CEP112: variants seen among roughly 807,000 people sequenced by gnomAD.
CEP112 encodes the protein centrosomal protein of 112 kDa.
CEP112 carries 127 observed loss-of-function variants against 153.0 expected under a neutral mutation model. That is an observed-to-expected ratio of 0.83 (90% CI 0.72 to 0.96). CEP112 has a LOEUF of 0.96. CEP112 is among the 40% of genes least tolerant of loss of function. CEP112 has a pLI of 0.00. For synonymous variants in CEP112, 358 were observed against 374.4 expected (o/e 0.96, Z 0.51); for missense variants, 1,089 against 1,101.2 (o/e 0.99, Z 0.16).
intron 23 of CEP112, among the ~76,000 whole-genome samples, chr17:65,723,251 G>T (rs142988956): frequency 1.3e-5 from 2 of 152,074 alleles, no homozygotes; most frequent in East Asian, 3.9e-4. Flanking sequence ...GGCCAAACTC[G>T]GAGACTTTGT....
At chr17:66,026,611 C>A (rs909050505) in intron 16 of CEP112, among the ~76,000 whole-genome samples, 10 of 152,218 alleles carry the variant, frequency 6.6e-5, no homozygotes, top group Admixed American at 4.6e-4. Flanking sequence ...ATACAGTTGT[C>A]CCCCAGCATC....
chr17:65,684,425 T>C (rs751625236), intron 24 of CEP112, among the ~76,000 whole-genome samples: 2 of 152,248 alleles, frequency 1.3e-5, no homozygotes, highest in Non-Finnish European at 2.9e-5. Flanking sequence ...GGAATTTTGC[T>C]CTGTGTATGT....
intron 24 of CEP112, among the ~76,000 whole-genome samples, chr17:65,680,214 G>A (rs1477039794): frequency 6.6e-6 from 1 of 152,174 alleles, no homozygotes; most frequent in Non-Finnish European, 1.5e-5. Flanking sequence ...GAATAGCTGA[G>A]GGCCCAGAGA....
At chr17:65,903,032 A>AG (rs5821570) in intron 19 of CEP112, 152,198 of 152,386 alleles carry the variant, frequency 1, 76,005 homozygotes, top group Middle Eastern at 1. Context: ...CCCGAGACCA[A>AG]GGCCTGGTTG....
At chr17:66,099,368 G>A (rs2068469624) in intron 6 of CEP112, among the ~76,000 whole-genome samples, 1 of 152,012 alleles carries the variant, frequency 6.6e-6, no homozygotes. Context: ...GCTGGGCTTA[G>A]TGGCAGGTGA....
intron 12 of CEP112, among the ~76,000 whole-genome samples, chr17:66,051,048 C>T (rs1197228051): frequency 6.6e-6 from 1 of 152,078 alleles, no homozygotes; most frequent in Non-Finnish European, 1.5e-5. Context: ...AGCACAATCA[C>T]ACCTCACTGC....
intron 23 of CEP112, among the ~76,000 whole-genome samples, chr17:65,727,423 T>C (rs994949976): frequency 6.6e-6 from 1 of 152,214 alleles, no homozygotes; most frequent in Non-Finnish European, 1.5e-5. Context: ...TTCTTCACAC[T>C]GGACTGAAGC....
intron 20 of CEP112, among the ~76,000 whole-genome samples, chr17:65,865,801 G>A (rs1026718230): frequency 7.2e-5 from 11 of 152,192 alleles, no homozygotes; most frequent in Non-Finnish European, 8.8e-5. Context: ...CCTGGAGCCC[G>A]CCACTCTGGG....
intron 6 of CEP112, among the ~76,000 whole-genome samples, chr17:66,111,358 A>G (rs2069034141): frequency 6.6e-6 from 1 of 152,216 alleles, no homozygotes; most frequent in Non-Finnish European, 1.5e-5. Flanking sequence ...ATTACTGCAT[A>G]TATACCCAGA....
rs117342504 is a variant in CEP112, at chr17:66,155,191, C to T, written c.470+19853G>A. ...TTTCTGCATTTCCAACTGAGGTACCCGGCTAATCTCACTGGGACTGGTTAG... is the reference window on the plus strand; with the variant it reads ...TTTCTGCATTTCCAACTGAGGTACCTGGCTAATCTCACTGGGACTGGTTAG... On this transcript the variant is annotated intron_variant, in intron 4 of 26. Coordinates refer to ENST00000535342, the MANE Select transcript of CEP112 (RefSeq NM_001199165.4). Among the ~76,000 whole-genome samples, 98 of 152,208 alleles carry T rather than the reference C, an allele frequency of 6.4e-4. No individual in the cohort carries two copies. The East Asian group carries it at 0.017, about 27-fold the overall frequency.
At chr17:65,920,381 A>ATATATAT (rs2060668980) in intron 19 of CEP112, among the ~76,000 whole-genome samples, 1 of 96,292 alleles carries the variant, frequency 1.0e-5, no homozygotes, top group Admixed American at 1.0e-4. Flanking sequence ...ATATATATAT[A>ATATATAT]TATATATATA....
chr17:65,682,269 G>A (rs2047570860), intron 24 of CEP112, among the ~76,000 whole-genome samples: 1 of 152,164 alleles, frequency 6.6e-6, no homozygotes, highest in Non-Finnish European at 1.5e-5. Context: ...TGGGATTACA[G>A]GCATGAGCCA....
At chr17:66,185,253 C>G (rs2146931453) in intron 1 of CEP112, among the ~76,000 whole-genome samples, 1 of 152,322 alleles carries the variant, frequency 6.6e-6, no homozygotes, top group Non-Finnish European at 1.5e-5. Flanking sequence ...CAGAGTCTTG[C>G]TCTGTTCTCC....
At chr17:65,640,934 C>T in intron 25 of CEP112, 30 bp downstream of exon 25, 1 of 1,286,446 alleles carries the variant, frequency 7.8e-7, no homozygotes. Context: ...CCCCTAAATC[C>T]TTGGAAAATG....
At chr17:65,946,703 T>C (rs2319200) in intron 18 of CEP112, among the ~76,000 whole-genome samples, 62,634 of 151,890 alleles carry the variant, frequency 0.41, 14,277 homozygotes, top group East Asian at 0.87. Context: ...AATGGCACTG[T>C]TAAGATTTTG....
At chr17:66,025,620 A>G (rs112790484) in intron 16 of CEP112, among the ~76,000 whole-genome samples, 1 of 152,274 alleles carries the variant, frequency 6.6e-6, no homozygotes, top group African/African-American at 2.4e-5. Flanking sequence ...TATTCTAGTC[A>G]GAATGGCTAT....
At chr17:65,997,714 T>C (rs1250824980) in intron 17 of CEP112, among the ~76,000 whole-genome samples, 2 of 152,084 alleles carry the variant, frequency 1.3e-5, no homozygotes, top group Non-Finnish European at 2.9e-5. Flanking sequence ...CTATAAAACA[T>C]ACATATATAT....
At position 66,029,159 on chromosome 17, in the gene CEP112, G is replaced by A. The variant is rs2065351188; in HGVS notation, c.1467C>T (p.Asn489=). ...LLQTKYDADI[N]LLKQEHALSA... Reference sequence around the variant, plus strand: ...AAAGAGCATGTTCTTGTTTTAGAAGGTTTATATCAGCATCATATTTGGTTT... The same window carrying A: ...AAAGAGCATGTTCTTGTTTTAGAAGATTTATATCAGCATCATATTTGGTTT... The change falls in exon 14 of 27, where the codon AAC becomes AAT. Residue 489 remains asparagine, a synonymous_variant. Coordinates refer to ENST00000535342, the MANE Select transcript of CEP112 (RefSeq NM_001199165.4). 6.2e-7 allele frequency: 1 copy of A among 1,606,908 alleles called. No homozygotes were observed. Among genetic ancestry groups the A allele is most frequent in the Non-Finnish European group, 8.5e-7 (1 of 1,174,396 alleles).
chr17:65,687,175 T>C (rs1006840974), intron 24 of CEP112, among the ~76,000 whole-genome samples: 2 of 144,164 alleles, frequency 1.4e-5, no homozygotes, highest in Non-Finnish European at 3.0e-5. Flanking sequence ...TTTTTTTTTT[T>C]TTTTTTTTTG....
Sources: allele counts gnomAD v4.1 joint callset (sites outside exome capture counted in the v4.1 genomes callset), GRCh38; gene constraint gnomAD v4.1.1; transcripts MANE v1.5; gene names NCBI Gene and HGNC (gene_info 2026-07-23, HGNC 2026-07-21).